AMN1: variants seen among roughly 807,000 people sequenced by gnomAD.
AMN1 encodes protein AMN1 homolog.
AMN1 carries 20 observed loss-of-function variants against 33.0 expected under a neutral mutation model. The observed-to-expected ratio is 0.61, with a 90% CI of 0.43 to 0.88. The LOEUF (loss-of-function observed/expected upper bound fraction) is 0.88, where lower values mean the gene tolerates loss of function less well. AMN1 is among the 40% of genes least tolerant of loss of function. The pLI is 0.00. For synonymous variants in AMN1, 114 were observed against 111.9 expected (o/e 1.02, Z -0.12); for missense variants, 246 against 307.4 (o/e 0.80, Z 1.49).
At chr12:31,676,535 G>C (rs1418486437) in intron 6 of AMN1, among the ~76,000 whole-genome samples, 2 of 150,522 alleles carry the variant, frequency 1.3e-5, no homozygotes, top group African/African-American at 2.5e-5. Context: ...TGTTAGCCAG[G>C]ATGGTCTCGA....
intron 1 of AMN1, among the ~76,000 whole-genome samples, chr12:31,727,148 C>T (rs1940107800): frequency 6.6e-6 from 1 of 152,196 alleles, no homozygotes; most frequent in South Asian, 2.1e-4. Flanking sequence ...AGCCACCATG[C>T]CTGGCCTACC....
At chr12:31,724,543 A>T (rs553009254) in intron 1 of AMN1, among the ~76,000 whole-genome samples, 137 of 152,208 alleles carry the variant, frequency 9.0e-4, no homozygotes, top group African/African-American at 2.7e-3. Context: ...ATATATATAT[A>T]TTTTTTTACC....
chr12:31,720,482 G>A (rs1243109309), intron 1 of AMN1, among the ~76,000 whole-genome samples: 2 of 152,028 alleles, frequency 1.3e-5, no homozygotes, highest in East Asian at 3.9e-4. Context: ...AGAGGTTTCA[G>A]TGAGCTGAGA....
rs530441945 is a variant in AMN1 at position 31,725,551 on chromosome 12, G to A, written c.38+3420C>T. Among the ~76,000 whole-genome samples, 32 of 152,284 alleles carry A rather than the reference G, an allele frequency of 2.1e-4. No homozygotes were observed. In the East Asian group the frequency reaches 5.4e-3, roughly 26 times the overall value. On this transcript the variant is annotated intron_variant, in intron 1 of 6. Coordinates refer to ENST00000281471, the MANE Select transcript of AMN1 (RefSeq NM_001113402.2). Reference sequence around the variant, plus strand: ...GCAACATGGACTGCTTCTAATGTAAGTGTTACATAAAATTTTGTCCTTGAC... The same window carrying A: ...GCAACATGGACTGCTTCTAATGTAAATGTTACATAAAATTTTGTCCTTGAC...
chr12:31,697,524 C>A, intron 4 of AMN1, 107 bp from the exon 5 acceptor site: 1 of 1,187,786 alleles, frequency 8.4e-7, no homozygotes, highest in South Asian at 1.3e-5. Context: ...TCCCATTCAT[C>A]AAACATGTGT....
intron 6 of AMN1, among the ~76,000 whole-genome samples, chr12:31,685,022 A>G (rs1319434333): frequency 6.7e-6 from 1 of 149,534 alleles, no homozygotes; most frequent in South Asian, 2.1e-4. Context: ...TTTGTTTTCC[A>G]TAATTATTAT....
intron 1 of AMN1, among the ~76,000 whole-genome samples, chr12:31,712,338 C>T (rs368061678): frequency 6.6e-6 from 1 of 151,954 alleles, no homozygotes; most frequent in East Asian, 1.9e-4. Flanking sequence ...ACCTCTGCCA[C>T]CCAGGTTCAA....
intron 1 of AMN1, among the ~76,000 whole-genome samples, chr12:31,721,016 C>T (rs1939861221): frequency 6.6e-6 from 1 of 152,180 alleles, no homozygotes; most frequent in African/African-American, 2.4e-5. Context: ...GGGAATATCT[C>T]TTGAGTCCAG....
chr12:31,718,912 C>G (rs932041974), intron 1 of AMN1, among the ~76,000 whole-genome samples: 3 of 152,252 alleles, frequency 2.0e-5, no homozygotes, highest in African/African-American at 7.2e-5. Flanking sequence ...CGCCCCTCCC[C>G]CCGCCAAGCT....
At chr12:31,727,089 A>T (rs1285791886) in intron 1 of AMN1, among the ~76,000 whole-genome samples, 3 of 152,120 alleles carry the variant, frequency 2.0e-5, no homozygotes, top group African/African-American at 7.2e-5. Context: ...TCCTGGCCTC[A>T]AGCAATCCAC....
At chr12:31,703,983 G>A (rs983321919) in intron 2 of AMN1, among the ~76,000 whole-genome samples, 1 of 152,122 alleles carries the variant, frequency 6.6e-6, no homozygotes, top group African/African-American at 2.4e-5. Context: ...AAATAAAGGT[G>A]TCTTGCTTAT....
intron 1 of AMN1, among the ~76,000 whole-genome samples, chr12:31,724,130 C>T (rs1939974550): frequency 6.6e-6 from 1 of 152,106 alleles, no homozygotes; most frequent in African/African-American, 2.4e-5. Context: ...TATATATACA[C>T]CCTGCATTTA....
intron 6 of AMN1, among the ~76,000 whole-genome samples, chr12:31,678,175 C>T (rs988095062): frequency 7.2e-5 from 11 of 152,132 alleles, no homozygotes; most frequent in Admixed American, 2.0e-4. Context: ...AAACCTGTTA[C>T]GCCTTTCTCT....
At chr12:31,714,106 A>G (rs888907610) in intron 1 of AMN1, among the ~76,000 whole-genome samples, 2 of 152,272 alleles carry the variant, frequency 1.3e-5, no homozygotes, top group African/African-American at 4.8e-5. Flanking sequence ...TTTTAATATT[A>G]TTATATTCTC....
chr12:31,718,938 G>C (rs774800277), intron 1 of AMN1, among the ~76,000 whole-genome samples: 6 of 152,224 alleles, frequency 3.9e-5, no homozygotes, highest in Admixed American at 6.5e-5. Context: ...ATCCCAGGTC[G>C]ATCTCAGACT....
intron 1 of AMN1, chr12:31,715,319 AAGTC>A (rs1360596054): frequency 4.7e-6 from 1 of 212,040 alleles, no homozygotes; most frequent in Non-Finnish European, 1.0e-5. Flanking sequence ...AGCGGGGAGA[AAGTC>A]AGTTCTTAGA....
At chr12:31,676,601 T>C (rs1748263447) in intron 6 of AMN1, among the ~76,000 whole-genome samples, 1 of 149,194 alleles carries the variant, frequency 6.7e-6, no homozygotes, top group African/African-American at 2.5e-5. Flanking sequence ...CAATTACAGG[T>C]GTGAGCCACC....
At chr12:31,718,300 G>C (rs930448366) in intron 1 of AMN1, among the ~76,000 whole-genome samples, 8 of 151,958 alleles carry the variant, frequency 5.3e-5, no homozygotes, top group African/African-American at 1.7e-4. Flanking sequence ...GGTTATTCTA[G>C]TTAGCAGTTC....
intron 1 of AMN1, among the ~76,000 whole-genome samples, chr12:31,717,076 T>C (rs1459907502): frequency 6.6e-6 from 1 of 152,040 alleles, no homozygotes; most frequent in Admixed American, 6.6e-5. Context: ...CCACATGCAT[T>C]GTCTATTTGT....
Sources: allele counts gnomAD v4.1 joint callset (sites outside exome capture counted in the v4.1 genomes callset), GRCh38; gene constraint gnomAD v4.1.1; transcripts MANE v1.5; gene names NCBI Gene and HGNC (gene_info 2026-07-23, HGNC 2026-07-21).